Variants in CYSTM1 observed in about 807,000 individuals in gnomAD.
CYSTM1 encodes cysteine-rich transmembrane module-containing protein 1.
Under a neutral mutation model 13.1 loss-of-function variants are expected in CYSTM1, and 4 were observed. The observed-to-expected ratio is 0.31, with a 90% CI of 0.15 to 0.70. CYSTM1 has a LOEUF of 0.70. CYSTM1 is among the 30% of genes least tolerant of loss of function. The probability of loss-of-function intolerance (pLI) is 0.72; values close to 1 mark genes in which losing one functional copy is unlikely to be tolerated. For missense variants in CYSTM1, 96 were observed against 121.6 expected (o/e 0.79, Z 0.99); for synonymous variants, 36 against 42.7 (o/e 0.84, Z 0.62).
chr5:140,184,245 A>T (rs542099779), intron 1 of CYSTM1, among the ~76,000 whole-genome samples: 1 of 152,200 alleles, frequency 6.6e-6, no homozygotes, highest in Non-Finnish European at 1.5e-5. Flanking sequence ...GTGCTTTTTC[A>T]TATCAGCACA....
In CYSTM1 at chr5:140,226,998, G is replaced by C. The variant is rs185030454; in HGVS notation, c.188-16307G>C. Reference sequence around the variant, plus strand: ...AGAATGGAGGGGCTCTGCTGAGGAAGTGAGAGGAGAAAGCGGAGTATGATG... The same window carrying C: ...AGAATGGAGGGGCTCTGCTGAGGAACTGAGAGGAGAAAGCGGAGTATGATG... On this transcript the variant is annotated intron_variant, in intron 2 of 2. Transcript: ENST00000261811. 2.6e-3 allele frequency among the ~76,000 whole-genome samples: 389 copies of C among 152,228 alleles called. 2 individuals are homozygous for C. The highest frequency in any genetic ancestry group is 9.2e-3 in the African/African-American group (384 of 41,536).
At chr5:140,177,409 A>G (rs934756023) in intron 1 of CYSTM1, among the ~76,000 whole-genome samples, 4 of 152,088 alleles carry the variant, frequency 2.6e-5, no homozygotes, top group African/African-American at 9.7e-5. Context: ...TCTATTTTAT[A>G]TTGAAACTTA....
At chr5:140,238,946 G>C (rs1764715840) in intron 2 of CYSTM1, among the ~76,000 whole-genome samples, 1 of 152,196 alleles carries the variant, frequency 6.6e-6, no homozygotes, top group South Asian at 2.1e-4. Flanking sequence ...TGTCTTAGCA[G>C]TTGAGGGCCA....
chr5:140,176,454 T>A (rs1456833677), intron 1 of CYSTM1, among the ~76,000 whole-genome samples: 1 of 152,238 alleles, frequency 6.6e-6, no homozygotes, highest in Non-Finnish European at 1.5e-5. Context: ...AGCAGATTTT[T>A]AAAAATTCCT....
intron 2 of CYSTM1, among the ~76,000 whole-genome samples, chr5:140,195,836 G>A (rs1272245092): frequency 6.6e-6 from 1 of 151,450 alleles, no homozygotes; most frequent in Non-Finnish European, 1.5e-5. Flanking sequence ...CCTGAGGTCA[G>A]GAGTTCAAGA....
At chr5:140,221,753 A>G (rs1008372832) in intron 2 of CYSTM1, among the ~76,000 whole-genome samples, 5 of 152,238 alleles carry the variant, frequency 3.3e-5, no homozygotes, top group Admixed American at 1.3e-4. Flanking sequence ...ATGTCTTTGA[A>G]GATCAGTTTC....
At chr5:140,213,588 C>T (rs1274333903) in intron 2 of CYSTM1, among the ~76,000 whole-genome samples, 2 of 152,182 alleles carry the variant, frequency 1.3e-5, no homozygotes, top group Non-Finnish European at 2.9e-5. Context: ...GAGCAACTTC[C>T]AGGCCTGTAG....
At chr5:140,199,013 G>A (rs1355255692) in intron 2 of CYSTM1, among the ~76,000 whole-genome samples, 4 of 151,948 alleles carry the variant, frequency 2.6e-5, no homozygotes, top group Non-Finnish European at 5.9e-5. Flanking sequence ...GTGTCCATGT[G>A]TTCTCTTTGT....
chr5:140,209,138 G>A (rs898355475), intron 2 of CYSTM1, among the ~76,000 whole-genome samples: 2 of 152,114 alleles, frequency 1.3e-5, no homozygotes, highest in Admixed American at 1.3e-4. Flanking sequence ...TACTTGTCAC[G>A]TGATTCAAGA....
intron 2 of CYSTM1, among the ~76,000 whole-genome samples, chr5:140,224,151 T>G (rs1052262049): frequency 1.3e-5 from 2 of 152,226 alleles, no homozygotes; most frequent in Non-Finnish European, 2.9e-5. Flanking sequence ...GTTTGTTTGT[T>G]TTTTTGAGAC....
At chr5:140,178,459 T>TTTTTTTTTTA (rs1763919140) in intron 1 of CYSTM1, among the ~76,000 whole-genome samples, 1 of 146,500 alleles carries the variant, frequency 6.8e-6, no homozygotes, top group African/African-American at 2.5e-5. Context: ...TTTTTTTTTT[T>TTTTTTTTTTA]TTTTTTTCAG....
chr5:140,199,550 G>A (rs1302590375), intron 2 of CYSTM1, among the ~76,000 whole-genome samples: 1 of 152,204 alleles, frequency 6.6e-6, no homozygotes, highest in Non-Finnish European at 1.5e-5. Flanking sequence ...GAGTGCAGTG[G>A]CGCGATCTTG....
At chr5:140,188,671 C>T (rs1323881917) in intron 1 of CYSTM1, among the ~76,000 whole-genome samples, 2 of 149,836 alleles carry the variant, frequency 1.3e-5, no homozygotes, top group African/African-American at 2.5e-5. Flanking sequence ...CTCAGCTACT[C>T]GGGAGGCTGA....
At chr5:140,193,577 A>C (rs1764117454) in intron 1 of CYSTM1, among the ~76,000 whole-genome samples, 1 of 152,156 alleles carries the variant, frequency 6.6e-6, no homozygotes, top group Non-Finnish European at 1.5e-5. Flanking sequence ...ACACCTGGCC[A>C]TTTGTTTGTT....
At chr5:140,198,140 G>A (rs1719653839) in intron 2 of CYSTM1, among the ~76,000 whole-genome samples, 1 of 152,176 alleles carries the variant, frequency 6.6e-6, no homozygotes, top group South Asian at 2.1e-4. Flanking sequence ...AGTATTTGTT[G>A]AGCACCATGC....
intron 2 of CYSTM1, among the ~76,000 whole-genome samples, chr5:140,241,601 G>C (rs1379597262): frequency 6.6e-6 from 1 of 152,240 alleles, no homozygotes; most frequent in Non-Finnish European, 1.5e-5. Context: ...CCAATCCTGT[G>C]ACAGGGAGAG....
chr5:140,176,141 G>GT (rs1432993266), intron 1 of CYSTM1, among the ~76,000 whole-genome samples: 1 of 152,192 alleles, frequency 6.6e-6, no homozygotes, highest in African/African-American at 2.4e-5. Context: ...ACTGTGTGCT[G>GT]TGGGGAGCCA....
At position 140,190,110 on chromosome 5, in the gene CYSTM1, A is replaced by G. The variant is rs1764073030; in HGVS notation, c.-20-4336A>G. 2.6e-5 allele frequency among the ~76,000 whole-genome samples: 4 copies of G among 152,270 alleles called. No homozygotes were observed. In the South Asian group the frequency reaches 8.3e-4, roughly 32 times the overall value. On this transcript the variant is annotated intron_variant, in intron 1 of 2. Transcript: ENST00000261811. ...GTATGGATGTGGTTTAGGACTCTTT[A>G]TTCTGCTCTATTGATCTGTTTTTCA...
chr5:140,190,050 C>T (rs191265049), intron 1 of CYSTM1, among the ~76,000 whole-genome samples: 6 of 152,144 alleles, frequency 3.9e-5, no homozygotes, highest in East Asian at 1.9e-4. Flanking sequence ...TTGTGAATTA[C>T]GTGGTGCCTG....
Sources: gnomAD v4.1 joint callset for allele counts (sites outside exome capture counted in the v4.1 genomes callset) on GRCh38, gnomAD v4.1.1 for gene constraint, MANE v1.5 for transcripts, NCBI Gene and HGNC (gene_info 2026-07-23, HGNC 2026-07-21) for gene names.